Variants in FRMD6 observed in about 807,000 individuals in gnomAD.
The protein encoded by FRMD6 is FERM domain-containing protein 6.
In FRMD6, 37 loss-of-function variants were observed where a neutral mutation model predicts 73.2. The ratio of observed to expected loss-of-function variants is 0.51; its 90% CI spans 0.39 to 0.66. The LOEUF (loss-of-function observed/expected upper bound fraction) is 0.66, where lower values mean the gene tolerates loss of function less well. FRMD6 is among the 30% of genes least tolerant of loss of function. FRMD6 has a pLI of 0.00. For synonymous variants in FRMD6, 273 were observed against 282.2 expected, an observed-to-expected ratio of 0.97 and a Z score of 0.33; for missense variants, 714 against 780.5, an observed-to-expected ratio of 0.91 and a Z score of 1.02.
chr14:51,420,863 C>T, the FRMD6 span, among the ~76,000 whole-genome samples: 3 of 152,168 alleles, frequency 2.0e-5, no homozygotes, highest in Admixed American at 2.0e-4. Context: ...CAGCCTCTGC[C>T]TCCCGGTTCA....
chr14:51,713,180 G>A (rs1227025614), intron 9 of FRMD6, among the ~76,000 whole-genome samples: 4 of 152,084 alleles, frequency 2.6e-5, no homozygotes, highest in Non-Finnish European at 5.9e-5. Context: ...GTTCTGGCCG[G>A]GCACAGTGGC....
intron 1 of FRMD6, among the ~76,000 whole-genome samples, chr14:51,519,701 T>A (rs992129170): frequency 3.9e-5 from 6 of 152,196 alleles, no homozygotes; most frequent in African/African-American, 1.4e-4. Flanking sequence ...ATAGTGTCTG[T>A]ACTCATTGCT....
chr14:51,402,516 T>C, the FRMD6 span, among the ~76,000 whole-genome samples: 1 of 152,226 alleles, frequency 6.6e-6, no homozygotes, highest in Non-Finnish European at 1.5e-5. Context: ...CCACGTAAGA[T>C]ATGACTTGCT....
rs1359575438 is a variant in FRMD6, at chr14:51,729,006, T to G, written c.*977T>G. ...TTCATTTTGGCTTCCATGACTATCTTTTATACATGGAATTCCTTAAGATTG... is the reference window on the plus strand; with the variant it reads ...TTCATTTTGGCTTCCATGACTATCTGTTATACATGGAATTCCTTAAGATTG... On this transcript the variant is annotated 3_prime_UTR_variant, in exon 14 of 14. Transcript: ENST00000344768. 6.6e-6 allele frequency: 1 copy of G among 152,200 alleles called. No homozygotes were observed. The highest frequency in any genetic ancestry group is 1.5e-5 in the Non-Finnish European group (1 of 68,030). The allele number at this position is 152,200 out of a possible 1,614,324, so 9.4% of individuals were successfully genotyped here. A position where few individuals can be genotyped will look rare whatever the true frequency, so the allele number is the denominator to read the frequency against.
At chr14:51,436,374 G>A in the FRMD6 span, 4 of 430,206 alleles carry the variant, frequency 9.3e-6, no homozygotes, top group Admixed American at 3.0e-5. Flanking sequence ...GGAGGAGGAC[G>A]AAGAGGCAGT....
the FRMD6 span, among the ~76,000 whole-genome samples, chr14:51,469,591 C>T: frequency 2.8e-4 from 33 of 118,778 alleles, 1 homozygote; most frequent in Middle Eastern, 6.7e-3. Context: ...CCAGCCTGGG[C>T]GACAGAGCGA....
chr14:51,508,711 CA>C (rs1385648202), intron 1 of FRMD6, among the ~76,000 whole-genome samples: 5 of 152,202 alleles, frequency 3.3e-5, no homozygotes, highest in African/African-American at 9.7e-5. Context: ...CCTCTCTTCA[CA>C]AAACAAATAG....
At chr14:51,528,602 A>G (rs1393251067) in intron 1 of FRMD6, among the ~76,000 whole-genome samples, 2 of 152,044 alleles carry the variant, frequency 1.3e-5, no homozygotes, top group East Asian at 3.9e-4. Context: ...TCTGTCATTT[A>G]TATATTGGGT....
chr14:51,598,843 C>T (rs760877756), intron 2 of FRMD6, among the ~76,000 whole-genome samples: 1 of 152,112 alleles, frequency 6.6e-6, no homozygotes, highest in Non-Finnish European at 1.5e-5. Context: ...GTGAATAGTG[C>T]TGCACTGAAC....
chr14:51,524,749 T>C (rs2140307706), intron 1 of FRMD6, among the ~76,000 whole-genome samples: 1 of 152,188 alleles, frequency 6.6e-6, no homozygotes, highest in Middle Eastern at 3.4e-3. Context: ...AACAACTGGG[T>C]TGGTTATAGC....
In FRMD6 at chr14:51,505,304, C is replaced by G. The variant is rs796422593; in HGVS notation, c.-210+15884C>G. 4.6e-5 allele frequency among the ~76,000 whole-genome samples: 7 copies of G among 152,282 alleles called. No individual in the cohort carries two copies. In the South Asian group the frequency reaches 1.5e-3, roughly 32 times the overall value. On this transcript the variant is annotated intron_variant, in intron 1 of 14. Coordinates refer to the FRMD6 transcript ENST00000356218. ...TAGGTTGGTCTCAAACTCCTGACCT[C>G]AAGCAATCTCTCACCTCAGCCTCCC...
chr14:51,436,727 T>A, the FRMD6 span: 2 of 538,784 alleles, frequency 3.7e-6, no homozygotes, highest in Non-Finnish European at 6.8e-6. Flanking sequence ...CCTATTACAG[T>A]ACTACTTGGT....
chr14:51,715,565 T>A, intron 10 of FRMD6, 66 bp downstream of exon 10: 3 of 1,361,064 alleles, frequency 2.2e-6, no homozygotes, highest in Non-Finnish European at 3.0e-6. Context: ...TTACTCTGAA[T>A]GGGGGTTTTG....
intron 2 of FRMD6, among the ~76,000 whole-genome samples, chr14:51,640,169 G>A (rs1295642109): frequency 3.9e-5 from 6 of 152,166 alleles, no homozygotes; most frequent in African/African-American, 1.4e-4. Context: ...TGAATTAGAT[G>A]CACTGACGTC....
chr14:51,410,791 C>G, the FRMD6 span, among the ~76,000 whole-genome samples: 1 of 152,098 alleles, frequency 6.6e-6, no homozygotes, highest in Non-Finnish European at 1.5e-5. Flanking sequence ...TGTACATGCT[C>G]TTTTGTAGTC....
At chr14:51,608,298 T>C (rs534686322) in intron 2 of FRMD6, among the ~76,000 whole-genome samples, 1 of 152,256 alleles carries the variant, frequency 6.6e-6, no homozygotes, top group South Asian at 2.1e-4. Context: ...TAATCAGACT[T>C]TTCCCTCAAA....
intron 2 of FRMD6, among the ~76,000 whole-genome samples, chr14:51,639,355 A>G (rs1594639134): frequency 6.6e-6 from 1 of 152,022 alleles, no homozygotes; most frequent in African/African-American, 2.4e-5. Flanking sequence ...GAATGGCGTG[A>G]ACCCGGTAGG....
At chr14:51,565,978 C>T (rs1283850100) in intron 1 of FRMD6, among the ~76,000 whole-genome samples, 3 of 152,172 alleles carry the variant, frequency 2.0e-5, no homozygotes, top group African/African-American at 7.2e-5. Context: ...TCCTGGCTAA[C>T]ATGGTGAAAC....
At chr14:51,628,912 C>T (rs1349538699) in intron 2 of FRMD6, among the ~76,000 whole-genome samples, 1 of 134,382 alleles carries the variant, frequency 7.4e-6, no homozygotes, top group Non-Finnish European at 1.6e-5. Context: ...AGTCTCGCTC[C>T]GTTTTCCAGG....
Sources: allele counts gnomAD v4.1 joint callset (sites outside exome capture counted in the v4.1 genomes callset), GRCh38; gene constraint gnomAD v4.1.1; transcripts MANE v1.5; gene names NCBI Gene and HGNC (gene_info 2026-07-23, HGNC 2026-07-21).